Variants in KIAA0825 observed in about 807,000 individuals in gnomAD.
KIAA0825 encodes KIAA0825, also known as uncharacterized protein KIAA0825.
Under a neutral mutation model 147.6 loss-of-function variants are expected in KIAA0825, and 119 were observed. That is an observed-to-expected ratio of 0.81 (90% CI 0.69 to 0.94). The LOEUF is 0.94. Ranked by LOEUF, KIAA0825 falls within the 40% of genes least tolerant of loss-of-function variation. The pLI is 0.00. For missense variants in KIAA0825, 1,381 were observed against 1,472.7 expected, an observed-to-expected ratio of 0.94 and a Z score of 1.02; for synonymous variants, 470 against 518.1, an observed-to-expected ratio of 0.91 and a Z score of 1.26.
chr5:94,356,827 A>G (rs948315735), intron 20 of KIAA0825, among the ~76,000 whole-genome samples: 1 of 142,280 alleles, frequency 7.0e-6, no homozygotes, highest in African/African-American at 2.6e-5. Flanking sequence ...CGGGTTCAAG[A>G]GATTCTCCTG....
At chr5:94,170,779 C>T (rs1480244137) in intron 20 of KIAA0825, among the ~76,000 whole-genome samples, 1 of 152,184 alleles carries the variant, frequency 6.6e-6, no homozygotes, top group African/African-American at 2.4e-5. Context: ...TGTCACAAAA[C>T]AGGCCCTGGA....
intron 20 of KIAA0825, among the ~76,000 whole-genome samples, chr5:94,240,455 G>C (rs994775771): frequency 2.6e-5 from 4 of 152,198 alleles, no homozygotes; most frequent in African/African-American, 9.7e-5. Context: ...TGATAGACTG[G>C]CAGCATAAAT....
chr5:94,597,115 T>A lies in KIAA0825; in HGVS notation c.-152-14532A>T, dbSNP rs181513574. ...TCTGTCCAGGGCTTCCAATACTATG[T>A]TGAACAAGAGTGGTTAGAGATGGCA... is the stretch of plus-strand genomic sequence containing the variant. On this transcript the variant is annotated intron_variant, in intron 1 of 20. Transcript: ENST00000682413. Among the ~76,000 whole-genome samples, 48 of 152,264 alleles carry A rather than the reference T, an allele frequency of 3.2e-4. No homozygotes were observed. The East Asian group carries it at 8.1e-3, about 26-fold the overall frequency.
intron 20 of KIAA0825, among the ~76,000 whole-genome samples, chr5:94,289,499 C>T (rs1288956413): frequency 7.0e-6 from 1 of 143,020 alleles, no homozygotes; most frequent in East Asian, 2.1e-4. Context: ...GGCACCACTG[C>T]ACTTCAGCCT....
At chr5:94,530,469 T>G (rs1017297522) in intron 3 of KIAA0825, among the ~76,000 whole-genome samples, 8 of 151,898 alleles carry the variant, frequency 5.3e-5, no homozygotes, top group Admixed American at 4.6e-4. Flanking sequence ...GTCCTTAAAG[T>G]AGAAAATAAA....
chr5:94,569,602 C>T (rs1459152442), intron 2 of KIAA0825: 7 of 392,442 alleles, frequency 1.8e-5, no homozygotes, highest in Non-Finnish European at 3.3e-5. Context: ...TTATTGATCT[C>T]CCCACTCCAT....
intron 5 of KIAA0825, among the ~76,000 whole-genome samples, chr5:94,494,765 A>T (rs1005198047): frequency 6.6e-6 from 1 of 152,176 alleles, no homozygotes; most frequent in Admixed American, 6.5e-5. Flanking sequence ...CCTGTAGAAA[A>T]AACTTAAAAC....
chr5:94,335,537 T>G (rs1275466831), intron 20 of KIAA0825, among the ~76,000 whole-genome samples: 2 of 152,152 alleles, frequency 1.3e-5, no homozygotes, highest in African/African-American at 4.8e-5. Context: ...ATTCTGTTTC[T>G]CACATTAATT....
chr5:94,495,658 A>C (rs1764269722), intron 5 of KIAA0825, among the ~76,000 whole-genome samples: 1 of 152,194 alleles, frequency 6.6e-6, no homozygotes, highest in African/African-American at 2.4e-5. Context: ...ACTTCTCTTT[A>C]ACTATTTTAG....
intron 2 of KIAA0825, among the ~76,000 whole-genome samples, chr5:94,540,461 T>C (rs532389492): frequency 1.3e-5 from 2 of 152,346 alleles, no homozygotes; most frequent in African/African-American, 4.8e-5. Context: ...ATGGCAGTAC[T>C]TTCTCTTGGT....
chr5:94,177,627 C>T (rs1254538951), intron 20 of KIAA0825, among the ~76,000 whole-genome samples: 1 of 152,078 alleles, frequency 6.6e-6, no homozygotes, highest in Non-Finnish European at 1.5e-5. Flanking sequence ...TGGGTATCTA[C>T]ACTTCAAACC....
At position 94,384,378 on chromosome 5, in the gene KIAA0825, G is replaced by A; in HGVS notation, c.3700C>T (p.Leu1234Phe). Reference protein sequence around the residue: ...RLDKMTFSVLLKNRWEMKKDE... With the variant: ...RLDKMTFSVLFKNRWEMKKDE... ...CCCCAATTTTATTACCTGTTTTTGAGCAGCACACTGAAGGTCATCTTATCC... is the reference window on the plus strand; with the variant it reads ...CCCCAATTTTATTACCTGTTTTTGAACAGCACACTGAAGGTCATCTTATCC... The change falls in exon 20 of 21, where the codon CTC becomes TTC. Residue 1234 changes from leucine to phenylalanine, a missense_variant. Coordinates refer to ENST00000682413, the MANE Select transcript of KIAA0825 (RefSeq NM_001145678.3). 1 of 1,551,730 alleles carries A rather than the reference G, an allele frequency of 6.4e-7. No individual in the cohort carries two copies. The highest frequency in any genetic ancestry group is 8.7e-7 in the Non-Finnish European group (1 of 1,146,876).
chr5:94,435,271 T>G, intron 14 of KIAA0825, among the ~76,000 whole-genome samples: 1 of 145,476 alleles, frequency 6.9e-6, no homozygotes, highest in Non-Finnish European at 1.5e-5. Context: ...TTTTTCCTGA[T>G]CCTCTCCCTC....
At chr5:94,270,944 C>T (rs1316713701) in intron 20 of KIAA0825, among the ~76,000 whole-genome samples, 1 of 152,064 alleles carries the variant, frequency 6.6e-6, no homozygotes, top group Non-Finnish European at 1.5e-5. Context: ...ATATTTCCCC[C>T]AAACTCTGCA....
At chr5:94,462,937 G>A (rs190327928) in intron 11 of KIAA0825, among the ~76,000 whole-genome samples, 194 of 151,878 alleles carry the variant, frequency 1.3e-3, no homozygotes, top group African/African-American at 4.6e-3. Context: ...TATTATCCAT[G>A]TATATGTATG....
chr5:94,393,543 A>G (rs748581601), intron 17 of KIAA0825, among the ~76,000 whole-genome samples: 1 of 152,212 alleles, frequency 6.6e-6, no homozygotes, highest in Non-Finnish European at 1.5e-5. Flanking sequence ...TCTGGATGCA[A>G]GTGAAAGGAA....
intron 1 of KIAA0825, chr5:94,593,900 G>C: frequency 2.4e-6 from 1 of 415,068 alleles, no homozygotes; most frequent in South Asian, 2.0e-5. Context: ...TCCTCATTTG[G>C]ACGAAGTGGG....
chr5:94,182,485 T>C lies in KIAA0825; in HGVS notation c.3711-28361A>G, dbSNP rs193242716. ...ATGTTGGCCAGGCTGGTTTCGAATT[T>C]CTGACCTCAGGTGATCCACCTGCCT... On this transcript the variant is annotated intron_variant, in intron 20 of 20. Coordinates refer to ENST00000682413, the MANE Select transcript of KIAA0825 (RefSeq NM_001145678.3). 6.3e-4 allele frequency among the ~76,000 whole-genome samples: 96 copies of C among 151,350 alleles called. 1 individual carries two copies. Among genetic ancestry groups the C allele is most frequent in the African/African-American group, 2.3e-3 (94 of 41,262 alleles).
intron 20 of KIAA0825, among the ~76,000 whole-genome samples, chr5:94,345,429 T>C (rs956843456): frequency 6.6e-6 from 1 of 152,134 alleles, no homozygotes; most frequent in Non-Finnish European, 1.5e-5. Context: ...GCAGTCTGTA[T>C]TGAAAAGGAT....
Sources: allele counts gnomAD v4.1 joint callset (sites outside exome capture counted in the v4.1 genomes callset), GRCh38; gene constraint gnomAD v4.1.1; transcripts MANE v1.5; gene names NCBI Gene and HGNC (gene_info 2026-07-23, HGNC 2026-07-21).